The following PCOLCE2 variants were observed in gnomAD, a reference collection of about 807,000 sequenced individuals.
The protein encoded by PCOLCE2 is procollagen C-proteinase enhancer 2.
PCOLCE2 carries 42 observed loss-of-function variants against 47.0 expected under a neutral mutation model. That is an observed-to-expected ratio of 0.89 (90% CI 0.70 to 1.16). The LOEUF (loss-of-function observed/expected upper bound fraction) is 1.16. Ranked by LOEUF, PCOLCE2 falls within the 50% of genes most tolerant of loss-of-function variation. PCOLCE2 has a pLI of 0.00. For missense variants in PCOLCE2, 500 were observed against 526.1 expected (o/e 0.95, Z 0.49); for synonymous variants, 169 against 191.7 (o/e 0.88, Z 0.98).
intron 5 of PCOLCE2, among the ~76,000 whole-genome samples, chr3:142,831,560 T>A (rs911235436): frequency 6.6e-6 from 1 of 152,238 alleles, no homozygotes; most frequent in South Asian, 2.1e-4. Context: ...ATTTAAATAA[T>A]GCTTCTGAGA....
intron 5 of PCOLCE2, among the ~76,000 whole-genome samples, chr3:142,837,878 C>G (rs1937222232): frequency 6.6e-6 from 1 of 152,134 alleles, no homozygotes; most frequent in African/African-American, 2.4e-5. Flanking sequence ...ATACATGGTG[C>G]CTTCAAGGTC....
chr3:142,828,820 T>C (rs1937113373), intron 6 of PCOLCE2, among the ~76,000 whole-genome samples: 1 of 152,146 alleles, frequency 6.6e-6, no homozygotes, highest in African/African-American at 2.4e-5. Flanking sequence ...CACCAAGGCT[T>C]ACTGAGCTGA....
At chr3:142,870,320 A>G (rs1933364412) in intron 2 of PCOLCE2, among the ~76,000 whole-genome samples, 1 of 152,238 alleles carries the variant, frequency 6.6e-6, no homozygotes, top group Non-Finnish European at 1.5e-5. Flanking sequence ...CGAGATCTAA[A>G]AAGTGGACTG....
intron 2 of PCOLCE2, among the ~76,000 whole-genome samples, chr3:142,862,888 T>C (rs1933206136): frequency 6.6e-6 from 1 of 152,064 alleles, no homozygotes; most frequent in African/African-American, 2.4e-5. Context: ...TTAATATAAA[T>C]AATGCTATTA....
At chr3:142,863,264 G>A (rs1220102931) in intron 2 of PCOLCE2, among the ~76,000 whole-genome samples, 1 of 152,176 alleles carries the variant, frequency 6.6e-6, no homozygotes, top group East Asian at 1.9e-4. Context: ...TTCAAGCCCT[G>A]CAGGTACCAT....
intron 2 of PCOLCE2, among the ~76,000 whole-genome samples, chr3:142,859,722 C>T (rs910244164): frequency 6.6e-5 from 10 of 152,108 alleles, no homozygotes; most frequent in African/African-American, 2.4e-4. Flanking sequence ...CACGCCACCA[C>T]ACCTGGCTAA....
At chr3:142,843,735 C>T (rs542573634) in intron 3 of PCOLCE2, among the ~76,000 whole-genome samples, 36 of 151,854 alleles carry the variant, frequency 2.4e-4, no homozygotes, top group East Asian at 7.7e-4. Context: ...TATTTTAATA[C>T]GAAGTTCTAA....
Position 142,818,045 on chromosome 3 carries a change from G to T in PCOLCE2, c.*290C>A. The T allele has an allele frequency of 3.8e-6, 1 of 260,746 alleles. No individual in the cohort carries two copies. The highest frequency in any genetic ancestry group is 7.4e-6 in the Non-Finnish European group (1 of 134,740). 16.2% of individuals were successfully genotyped at this position (260,746 alleles called of 1,614,324 possible). ...TTCTAAAATATCCTTTTACAGAGAT[G>T]TATAAATAAACGCTTCCAAGCTGTC... On this transcript the variant is annotated 3_prime_UTR_variant, in exon 9 of 9. Coordinates refer to ENST00000295992, the MANE Select transcript of PCOLCE2 (RefSeq NM_013363.4).
chr3:142,862,680 A>G (rs561202180), intron 2 of PCOLCE2, among the ~76,000 whole-genome samples: 7 of 152,182 alleles, frequency 4.6e-5, no homozygotes, highest in Non-Finnish European at 1.0e-4. Flanking sequence ...ACATTATAAA[A>G]TAATGTATAA....
intron 2 of PCOLCE2, among the ~76,000 whole-genome samples, chr3:142,851,060 T>C (rs546947097): frequency 2.2e-4 from 33 of 152,192 alleles, no homozygotes; most frequent in African/African-American, 7.7e-4. Context: ...CAGATGTAGG[T>C]AGGTCAGTAA....
chr3:142,826,748 G>C (rs1937083716), intron 6 of PCOLCE2, among the ~76,000 whole-genome samples: 9 of 152,146 alleles, frequency 5.9e-5, no homozygotes, highest in Admixed American at 5.9e-4. Context: ...TAGACTCCAT[G>C]TCATGAAACC....
chr3:142,839,037 C>T, intron 4 of PCOLCE2, 131 bp from the exon 5 acceptor site: 2 of 601,448 alleles, frequency 3.3e-6, no homozygotes, highest in Admixed American at 3.3e-5. Flanking sequence ...GCATTAAGTG[C>T]TTTTTGTTGC....
chr3:142,869,120 T>A (rs2108207097), intron 2 of PCOLCE2, among the ~76,000 whole-genome samples: 1 of 151,844 alleles, frequency 6.6e-6, no homozygotes, highest in East Asian at 1.9e-4. Flanking sequence ...TGAAACCCCA[T>A]CTCTACTAAA....
chr3:142,840,101 T>C (rs1418423764), intron 4 of PCOLCE2, among the ~76,000 whole-genome samples: 1 of 152,164 alleles, frequency 6.6e-6, no homozygotes, highest in Non-Finnish European at 1.5e-5. Flanking sequence ...TTCAGGGAAG[T>C]GGAATTGATG....
chr3:142,839,741 G>A (rs1937244746), intron 4 of PCOLCE2, among the ~76,000 whole-genome samples: 1 of 152,120 alleles, frequency 6.6e-6, no homozygotes, highest in Non-Finnish European at 1.5e-5. Flanking sequence ...AAAATATAAT[G>A]TTGCACATGA....
intron 2 of PCOLCE2, 134 bp downstream of exon 2, chr3:142,887,534 TG>T: frequency 1.6e-6 from 1 of 617,416 alleles, no homozygotes; most frequent in South Asian, 2.0e-5. Flanking sequence ...TCCCAATAGT[TG>T]GGGTAAATCC....
At position 142,838,750 on chromosome 3, in the gene PCOLCE2, C is replaced by T. The variant is rs755025489; in HGVS notation, c.710+20G>A. On this transcript the variant is annotated intron_variant, in intron 5 of 8. Transcript: ENST00000295992. The stretch of plus-strand genomic sequence containing the variant: ...TTTAGAGCCATAAAACTATTAAAGA[C>T]ATAAATAGGTGCTACTTACGCAGGT... The T allele has an allele frequency of 1.2e-6, 2 of 1,607,320 alleles. No homozygotes were observed. Among genetic ancestry groups the T allele is most frequent in the Non-Finnish European group, 8.5e-7 (1 of 1,174,734 alleles).
At chr3:142,867,104 C>T (rs1214141730) in intron 2 of PCOLCE2, among the ~76,000 whole-genome samples, 2 of 152,310 alleles carry the variant, frequency 1.3e-5, no homozygotes, top group East Asian at 1.9e-4. Context: ...AACCAATCCC[C>T]TGGGCCCTAT....
At chr3:142,861,162 T>A (rs939208596) in intron 2 of PCOLCE2, among the ~76,000 whole-genome samples, 1 of 152,242 alleles carries the variant, frequency 6.6e-6, no homozygotes, top group Admixed American at 6.5e-5. Flanking sequence ...CTAAAGGCTT[T>A]GCTCCACTGC....
Sources: gnomAD v4.1 joint callset for allele counts (sites outside exome capture counted in the v4.1 genomes callset) on GRCh38, gnomAD v4.1.1 for gene constraint, MANE v1.5 for transcripts, NCBI Gene and HGNC (gene_info 2026-07-23, HGNC 2026-07-21) for gene names.